PDE4D: variants seen among roughly 807,000 people sequenced by gnomAD.
PDE4D encodes the protein 3',5'-cyclic-AMP phosphodiesterase 4D.
In PDE4D, 24 loss-of-function variants were observed where a neutral mutation model predicts 87.4. The observed-to-expected ratio is 0.27, with a 90% confidence interval of 0.20 to 0.39. PDE4D has a LOEUF of 0.39. Among genes scored for constraint, PDE4D ranks in the 10% least tolerant of loss-of-function variants. The pLI, the probability that PDE4D is intolerant of heterozygous loss-of-function variation, is 1.00. For missense variants in PDE4D, 714 were observed against 1,041.0 expected (o/e 0.69, Z 4.32); for synonymous variants, 384 against 383.2 (o/e 1.00, Z -0.02).
chr5:59,890,891 T>C (rs1157268972), intron 1 of PDE4D, among the ~76,000 whole-genome samples: 4 of 152,244 alleles, frequency 2.6e-5, no homozygotes, highest in Non-Finnish European at 5.9e-5. Context: ...CTGTTCTCTT[T>C]AAAATAAAAA....
At chr5:60,505,572 A>T (rs552627520) in intron 1 of PDE4D, among the ~76,000 whole-genome samples, 1 of 152,188 alleles carries the variant, frequency 6.6e-6, no homozygotes. Flanking sequence ...GGTTCTTTTC[A>T]TCATAGGTTT....
intron 1 of PDE4D, chr5:60,262,612 C>T (rs1344492585): frequency 6.6e-6 from 1 of 152,176 alleles, no homozygotes; most frequent in Admixed American, 6.5e-5. Context: ...GTGACTTAAC[C>T]TTAAAATACA....
intron 5 of PDE4D, among the ~76,000 whole-genome samples, chr5:59,076,944 C>T (rs1765770144): frequency 6.6e-6 from 1 of 152,168 alleles, no homozygotes; most frequent in Non-Finnish European, 1.5e-5. Flanking sequence ...CGATCCACAA[C>T]ATATATATTG....
In PDE4D at chr5:60,102,991, C is replaced by A. The variant is rs1382257305; in HGVS notation, c.42+82566G>T. ...AGAAGAAATGACAAAAAAAAAAAAA[C>A]AGAAAACAGAAAAAACACCCAGAAA... On this transcript the variant is annotated intron_variant, in intron 2 of 16. Coordinates refer to the PDE4D transcript ENST00000502484. 1.0e-4 allele frequency among the ~76,000 whole-genome samples: 15 copies of A among 146,712 alleles called. No individual in the cohort carries two copies. The South Asian group carries it at 2.6e-3, about 25-fold the overall frequency.
intron 1 of PDE4D, among the ~76,000 whole-genome samples, chr5:59,238,928 T>C (rs1386882618): frequency 2.0e-5 from 3 of 152,218 alleles, no homozygotes; most frequent in Non-Finnish European, 4.4e-5. Context: ...GAGATATTTA[T>C]TGCCTAGAGA....
At chr5:60,388,102 T>G (rs1762317741) in intron 1 of PDE4D, among the ~76,000 whole-genome samples, 1 of 152,146 alleles carries the variant, frequency 6.6e-6, no homozygotes, top group Non-Finnish European at 1.5e-5. Context: ...TGCATGAGCT[T>G]CTGCGTCCTC....
At chr5:59,771,196 T>A (rs115546877) in intron 1 of PDE4D, among the ~76,000 whole-genome samples, 5,853 of 151,220 alleles carry the variant, frequency 0.039, 186 homozygotes, top group Middle Eastern at 0.088. Context: ...TGTCTCTATA[T>A]CTGCCCTTGG....
At chr5:59,344,306 G>C (rs190145450) in intron 1 of PDE4D, among the ~76,000 whole-genome samples, 1 of 152,260 alleles carries the variant, frequency 6.6e-6, no homozygotes, top group Admixed American at 6.5e-5. Context: ...AAGGGTGAGC[G>C]AAAAATGCTT....
chr5:59,180,539 T>C (rs1420360365), intron 5 of PDE4D, 56 bp downstream of exon 5: 1 of 1,436,112 alleles, frequency 7.0e-7, no homozygotes, highest in East Asian at 2.3e-5. Context: ...TATTGACTCT[T>C]GGCAGAAATG....
chr5:59,550,885 A>T (rs1341797493), intron 1 of PDE4D, among the ~76,000 whole-genome samples: 1 of 151,830 alleles, frequency 6.6e-6, no homozygotes, highest in Non-Finnish European at 1.5e-5. Flanking sequence ...TTTAGTAGAG[A>T]CGGGGTTTCA....
chr5:59,348,294 T>C (rs189778286), intron 1 of PDE4D, among the ~76,000 whole-genome samples: 19 of 152,322 alleles, frequency 1.2e-4, no homozygotes, highest in Non-Finnish European at 2.2e-4. Context: ...TTATATCTAC[T>C]GTATCTATAT....
At chr5:59,185,114 C>T in intron 4 of PDE4D, 75 bp downstream of exon 4, 1 of 1,122,616 alleles carries the variant, frequency 8.9e-7, no homozygotes, top group Non-Finnish European at 1.3e-6. Flanking sequence ...TAACATATTG[C>T]CTTGGGCTCA....
intron 1 of PDE4D, among the ~76,000 whole-genome samples, chr5:60,279,847 A>AT (rs1251242643): frequency 6.6e-6 from 1 of 151,740 alleles, no homozygotes; most frequent in African/African-American, 2.4e-5. Context: ...TGCCTGGCTA[A>AT]TTTTTTGTGT....
chr5:59,627,371 T>C (rs549080733), intron 1 of PDE4D, among the ~76,000 whole-genome samples: 2 of 152,222 alleles, frequency 1.3e-5, no homozygotes, highest in Non-Finnish European at 2.9e-5. Flanking sequence ...TTTAAAAATG[T>C]TCCAAATTCT....
At chr5:60,118,321 G>T (rs944486983) in intron 2 of PDE4D, among the ~76,000 whole-genome samples, 9 of 152,228 alleles carry the variant, frequency 5.9e-5, no homozygotes, top group African/African-American at 1.9e-4. Flanking sequence ...TACTTATGCT[G>T]ACTGTCATGC....
chr5:59,393,358 A>G (rs975479184), intron 1 of PDE4D, among the ~76,000 whole-genome samples: 3 of 152,194 alleles, frequency 2.0e-5, no homozygotes, highest in Non-Finnish European at 4.4e-5. Flanking sequence ...CATATAGAAC[A>G]AGGGGCAAAA....
intron 6 of PDE4D, among the ~76,000 whole-genome samples, chr5:59,017,270 G>C (rs1754205536): frequency 1.3e-5 from 2 of 152,188 alleles, no homozygotes; most frequent in South Asian, 4.1e-4. Flanking sequence ...GTAGAGGATA[G>C]TTTGTAAAAG....
chr5:59,403,695 T>C (rs751088663), intron 1 of PDE4D, among the ~76,000 whole-genome samples: 4 of 152,224 alleles, frequency 2.6e-5, no homozygotes, highest in Non-Finnish European at 5.9e-5. Context: ...ACATTTTCTT[T>C]ATTCATTCGT....
At chr5:59,526,817 T>C (rs1199960728) in intron 1 of PDE4D, among the ~76,000 whole-genome samples, 1 of 151,996 alleles carries the variant, frequency 6.6e-6, no homozygotes, top group Non-Finnish European at 1.5e-5. Context: ...GTACATATGG[T>C]GTTTTGCCAT....
Sources: gnomAD v4.1 joint callset for allele counts (sites outside exome capture counted in the v4.1 genomes callset) on GRCh38, gnomAD v4.1.1 for gene constraint, MANE v1.5 for transcripts, NCBI Gene and HGNC (gene_info 2026-07-23, HGNC 2026-07-21) for gene names.